Variants in DUSP13B observed in about 807,000 individuals in gnomAD.
DUSP13B encodes dual specificity protein phosphatase 13B.
the DUSP13B span, chr10:75,108,139 C>T: frequency 6.2e-7 from 1 of 1,613,388 alleles, no homozygotes; most frequent in East Asian, 2.2e-5. Context: ...CAGTAGAGGC[C>T]CTTGTGGGCG....
At chr10:75,108,005 G>T in the DUSP13B span, 1 of 1,612,804 alleles carries the variant, frequency 6.2e-7, no homozygotes, top group Non-Finnish European at 8.5e-7. Flanking sequence ...CAGGCGTGTT[G>T]AGGGCACGGT....
the DUSP13B span, chr10:75,099,252 C>A: frequency 1.6e-6 from 2 of 1,232,292 alleles, no homozygotes; most frequent in South Asian, 8.2e-5. Context: ...GGAAGAACAT[C>A]TTTTCCCTTT....
At chr10:75,102,659 A>G in the DUSP13B span, among the ~76,000 whole-genome samples, 1 of 152,036 alleles carries the variant, frequency 6.6e-6, no homozygotes, top group Non-Finnish European at 1.5e-5. Context: ...AATACAAAAA[A>G]TTAGTGAGTT....
At chr10:75,101,269 T>A in the DUSP13B span, among the ~76,000 whole-genome samples, 13 of 152,184 alleles carry the variant, frequency 8.5e-5, no homozygotes, top group Non-Finnish European at 1.5e-4. Flanking sequence ...GCTGTGAGAA[T>A]TCCATGTAAT....
the DUSP13B span, among the ~76,000 whole-genome samples, chr10:75,106,806 A>G: frequency 6.6e-6 from 1 of 152,240 alleles, no homozygotes; most frequent in Non-Finnish European, 1.5e-5. Context: ...GAATGGATAA[A>G]TAGCAAAAGA....
the DUSP13B span, among the ~76,000 whole-genome samples, chr10:75,096,288 C>T: frequency 6.6e-6 from 1 of 151,838 alleles, no homozygotes; most frequent in Admixed American, 6.6e-5. Flanking sequence ...AAATAGACTC[C>T]TTTTCAGGCC....
chr10:75,108,296 C>G, the DUSP13B span: 957 of 1,498,086 alleles, frequency 6.4e-4, 6 homozygotes, highest in African/African-American at 0.011. Context: ...GCAGAGGGAC[C>G]GAGCCATTAG....
At chr10:75,094,573 G>C in the DUSP13B span, 52 of 1,318,676 alleles carry the variant, frequency 3.9e-5, no homozygotes, top group Non-Finnish European at 5.2e-5. Flanking sequence ...GCCCCCACTT[G>C]CTGTTTACAT....
chr10:75,098,582 C>CAA, the DUSP13B span, among the ~76,000 whole-genome samples: 574 of 152,144 alleles, frequency 3.8e-3, 8 homozygotes, highest in African/African-American at 0.013. Context: ...GCCAATGAGG[C>CAA]AAAATCCTGT....
At chr10:75,095,691 C>A in the DUSP13B span, 1 of 1,614,208 alleles carries the variant, frequency 6.2e-7, no homozygotes, top group Non-Finnish European at 8.5e-7. Flanking sequence ...GGACATTCCA[C>A]GGTAGAATTT....
chr10:75,104,114 C>T, the DUSP13B span: 65 of 1,328,000 alleles, frequency 4.9e-5, 1 homozygote, highest in Middle Eastern at 1.3e-3. Flanking sequence ...GAGAGATGAG[C>T]TCTGTGTTAC....
At chr10:75,099,625 C>T in the DUSP13B span, 12 of 1,066,496 alleles carry the variant, frequency 1.1e-5, no homozygotes, top group Middle Eastern at 3.4e-4. Context: ...GTGGGCCCTC[C>T]GGTCCCTCTA....
chr10:75,099,092 G>T, the DUSP13B span: 1 of 1,232,360 alleles, frequency 8.1e-7, no homozygotes, highest in Non-Finnish European at 1.0e-6. Context: ...CTTGTTTCAG[G>T]CATCTGCTGG....
the DUSP13B span, among the ~76,000 whole-genome samples, chr10:75,096,722 G>C: frequency 6.6e-6 from 1 of 152,080 alleles, no homozygotes; most frequent in African/African-American, 2.4e-5. Flanking sequence ...TTCCAGCCTA[G>C]GCAACAGAGA....
chr10:75,108,280 C>T, the DUSP13B span: 3 of 1,521,260 alleles, frequency 2.0e-6, no homozygotes, highest in Admixed American at 6.3e-5. Flanking sequence ...TGCCTGGCCC[C>T]CTGCTGCAGA....
At chr10:75,099,083 T>C in the DUSP13B span, 1 of 1,232,414 alleles carries the variant, frequency 8.1e-7, no homozygotes, top group Non-Finnish European at 1.0e-6. Context: ...GTCAGGTAGC[T>C]TGTTTCAGGC....
chr10:75,100,392 T>C, the DUSP13B span, among the ~76,000 whole-genome samples: 1 of 152,172 alleles, frequency 6.6e-6, no homozygotes, highest in South Asian at 2.1e-4. Flanking sequence ...ACCCAGCCCA[T>C]CCCATCAGTC....
the DUSP13B span, chr10:75,105,928 G>T: frequency 6.7e-7 from 1 of 1,489,706 alleles, no homozygotes; most frequent in East Asian, 2.5e-5. Context: ...CACGGGCTGG[G>T]ATGGGGACCC....
At chr10:75,108,376 C>T in the DUSP13B span, 2 of 1,308,660 alleles carry the variant, frequency 1.5e-6, no homozygotes, top group Admixed American at 3.1e-5. Context: ...ACCCAGAGCC[C>T]CGCACTTTCT....
Sources: allele counts gnomAD v4.1 joint callset (sites outside exome capture counted in the v4.1 genomes callset), GRCh38; gene constraint gnomAD v4.1.1; transcripts MANE v1.5; gene names NCBI Gene and HGNC (gene_info 2026-07-23, HGNC 2026-07-21).